INPP4B: variants seen among roughly 807,000 people sequenced by gnomAD.
INPP4B encodes inositol polyphosphate-4-phosphatase type II B.
Under a neutral mutation model 122.5 loss-of-function variants are expected in INPP4B, and 55 were observed. The ratio of observed to expected loss-of-function variants is 0.45; its 90% confidence interval spans 0.36 to 0.56. The LOEUF is 0.56. Ranked by LOEUF, INPP4B falls within the 20% of genes least tolerant of loss-of-function variation. The pLI, the probability that INPP4B is intolerant of heterozygous loss-of-function variation, is 0.00. For missense variants in INPP4B, 1,000 were observed against 1,097.7 expected (o/e 0.91, Z 1.26); for synonymous variants, 403 against 388.7 (o/e 1.04, Z -0.43).
intron 2 of INPP4B, among the ~76,000 whole-genome samples, chr4:142,598,846 G>T (rs1015989027): frequency 1.1e-4 from 16 of 152,130 alleles, no homozygotes; most frequent in African/African-American, 3.9e-4. Context: ...AGCACTGCAG[G>T]CCTACCACTA....
At chr4:142,161,007 A>G (rs1819836110) in intron 16 of INPP4B, among the ~76,000 whole-genome samples, 1 of 152,024 alleles carries the variant, frequency 6.6e-6, no homozygotes, top group Admixed American at 6.6e-5. Context: ...TATGTTTTAA[A>G]CAGTTAAAGA....
chr4:142,551,490 T>TA (rs2150077960), intron 2 of INPP4B, among the ~76,000 whole-genome samples: 1 of 152,344 alleles, frequency 6.6e-6, no homozygotes, highest in Admixed American at 6.5e-5. Flanking sequence ...AAGCACATTT[T>TA]AAAACAATGA....
chr4:142,449,849 C>T (rs956453059), intron 3 of INPP4B, among the ~76,000 whole-genome samples: 2 of 152,118 alleles, frequency 1.3e-5, no homozygotes, highest in African/African-American at 2.4e-5. Context: ...GATAAAAAGC[C>T]AATGTGGGCT....
chr4:142,384,027 G>A (rs897149236), intron 7 of INPP4B: 12 of 700,076 alleles, frequency 1.7e-5, no homozygotes, highest in African/African-American at 1.4e-4. Context: ...GCAGACATTT[G>A]AACAGGTGAC....
intron 4 of INPP4B, among the ~76,000 whole-genome samples, chr4:142,430,263 T>C (rs1809014704): frequency 1.3e-5 from 2 of 152,096 alleles, no homozygotes; most frequent in Admixed American, 1.3e-4. Flanking sequence ...TTAACAATTT[T>C]AGATTTTTCA....
chr4:142,609,974 T>C (rs1742124952), intron 2 of INPP4B, among the ~76,000 whole-genome samples: 1 of 152,184 alleles, frequency 6.6e-6, no homozygotes, highest in African/African-American at 2.4e-5. Context: ...CCACTACCCA[T>C]ATCTGGCTAC....
intron 11 of INPP4B, among the ~76,000 whole-genome samples, chr4:142,248,634 GTGTGTGTGTGTGTGTGTA>G (rs913251339): frequency 6.8e-6 from 1 of 146,708 alleles, no homozygotes; most frequent in African/African-American, 2.5e-5. Context: ...CTCTGTATGT[GTGTGTGTGTGTGTGTGTA>G]TGTGTGTGTG....
intron 1 of INPP4B, among the ~76,000 whole-genome samples, chr4:142,811,923 T>G (rs1167175559): frequency 6.6e-6 from 1 of 152,146 alleles, no homozygotes; most frequent in African/African-American, 2.4e-5. Context: ...ATTGAATAAA[T>G]ATATACTCAA....
intron 12 of INPP4B, among the ~76,000 whole-genome samples, chr4:142,234,405 C>T (rs1165831859): frequency 2.0e-5 from 3 of 152,024 alleles, no homozygotes; most frequent in African/African-American, 7.2e-5. Flanking sequence ...TCTTCATGAC[C>T]TTTTTTCTTT....
chr4:142,555,226 G>A (rs1173189299), intron 2 of INPP4B, among the ~76,000 whole-genome samples: 1 of 152,346 alleles, frequency 6.6e-6, no homozygotes, highest in African/African-American at 2.4e-5. Flanking sequence ...CAAGCCATCA[G>A]AGTGTAGCCA....
chr4:142,091,521 A>G lies in INPP4B; in HGVS notation c.2375-5265T>C, dbSNP rs561410169. On this transcript the variant is annotated intron_variant, in intron 23 of 25. Coordinates refer to ENST00000262992, the MANE Select transcript of INPP4B (RefSeq NM_001101669.3). ...AAAAGAGTTCACAGCCTCAGAGGGG[A>G]AGCCTACTTTCTCAGGTAAAAGTCA... is the stretch of plus-strand genomic sequence containing the variant. Among the ~76,000 whole-genome samples, 4 of 152,322 alleles carry G rather than the reference A, an allele frequency of 2.6e-5. No homozygotes were observed. The South Asian group carries it at 8.3e-4, about 32-fold the overall frequency.
chr4:142,671,473 G>C (rs1756989332), intron 2 of INPP4B, among the ~76,000 whole-genome samples: 1 of 152,040 alleles, frequency 6.6e-6, no homozygotes, highest in African/African-American at 2.4e-5. Context: ...TTTCCTCTGG[G>C]AATCCTTCCC....
At chr4:142,303,509 C>T (rs1762270675) in intron 9 of INPP4B, among the ~76,000 whole-genome samples, 1 of 152,020 alleles carries the variant, frequency 6.6e-6, no homozygotes, top group Non-Finnish European at 1.5e-5. Context: ...GCTCTTCTAA[C>T]TCAATACTTA....
At chr4:142,724,152 ATG>A (rs917690710) in intron 2 of INPP4B, among the ~76,000 whole-genome samples, 7 of 152,180 alleles carry the variant, frequency 4.6e-5, no homozygotes, top group Non-Finnish European at 1.0e-4. Flanking sequence ...TATCCCATGA[ATG>A]GGAATTACTT....
chr4:142,547,086 T>C (rs1315509866), intron 2 of INPP4B, among the ~76,000 whole-genome samples: 1 of 151,926 alleles, frequency 6.6e-6, no homozygotes, highest in Non-Finnish European at 1.5e-5. Flanking sequence ...TCCTACTGTA[T>C]AGCAATACAT....
At chr4:142,481,282 G>T (rs995642151) in intron 2 of INPP4B, among the ~76,000 whole-genome samples, 1 of 151,790 alleles carries the variant, frequency 6.6e-6, no homozygotes, top group Non-Finnish European at 1.5e-5. Context: ...AAATATTTCC[G>T]GTACCCCTAA....
chr4:142,089,774 C>G (rs336314), intron 23 of INPP4B, among the ~76,000 whole-genome samples: 135,771 of 152,108 alleles, frequency 0.89, 62,171 homozygotes, highest in Non-Finnish European at 0.99. Flanking sequence ...CATAATTTTT[C>G]AAAAATTGTA....
chr4:142,203,598 AG>A (rs1841552185), intron 14 of INPP4B, among the ~76,000 whole-genome samples: 1 of 152,058 alleles, frequency 6.6e-6, no homozygotes. Context: ...ATTTAGTTTA[AG>A]TAATGAATAA....
intron 2 of INPP4B, among the ~76,000 whole-genome samples, chr4:142,716,791 T>G (rs1763831002): frequency 2.0e-5 from 3 of 152,236 alleles, no homozygotes; most frequent in Admixed American, 2.0e-4. Context: ...TTACCCTGCC[T>G]CTTCTATCCA....
Sources: allele counts gnomAD v4.1 joint callset (sites outside exome capture counted in the v4.1 genomes callset), GRCh38; gene constraint gnomAD v4.1.1; transcripts MANE v1.5; gene names NCBI Gene and HGNC (gene_info 2026-07-23, HGNC 2026-07-21).